Variants in RBFOX1 observed in about 807,000 individuals in gnomAD.
RBFOX1 encodes RNA binding fox-1 homolog 1, also known as RNA binding protein fox-1 homolog 1.
Under a neutral mutation model 57.7 loss-of-function variants are expected in RBFOX1, and 8 were observed. The observed-to-expected ratio is 0.14, with a 90% CI of 0.08 to 0.25. The LOEUF (loss-of-function observed/expected upper bound fraction) is 0.25, where lower values mean the gene tolerates loss of function less well. RBFOX1 is among the 10% of genes least tolerant of loss of function. RBFOX1 has a pLI of 1.00. For missense variants in RBFOX1, 611 were observed against 548.5 expected, an observed-to-expected ratio of 1.11 and a Z score of -1.14; for synonymous variants, 326 against 222.4, an observed-to-expected ratio of 1.47 and a Z score of -4.15.
chr16:7,329,493 A>G (rs1234251377), intron 4 of RBFOX1, among the ~76,000 whole-genome samples: 1 of 152,222 alleles, frequency 6.6e-6, no homozygotes, highest in African/African-American at 2.4e-5. Context: ...GCTCAGCAAT[A>G]CTAGGTGCTT....
intron 1 of RBFOX1, among the ~76,000 whole-genome samples, chr16:6,231,340 C>T (rs562096599): frequency 7.3e-5 from 11 of 151,716 alleles, no homozygotes; most frequent in Admixed American, 2.6e-4. Flanking sequence ...TGGAGGTTTC[C>T]GTGTTTAAAT....
chr16:7,390,932 AT>A (rs978074462), intron 4 of RBFOX1, among the ~76,000 whole-genome samples: 5 of 151,848 alleles, frequency 3.3e-5, no homozygotes, highest in Non-Finnish European at 5.9e-5. Context: ...AGGGAGAAGG[AT>A]TTTTTTTACT....
intron 1 of RBFOX1, among the ~76,000 whole-genome samples, chr16:6,093,489 C>T (rs775918576): frequency 6.6e-6 from 1 of 152,086 alleles, no homozygotes; most frequent in Non-Finnish European, 1.5e-5. Flanking sequence ...ACTAGGATTT[C>T]CAGGTTAGAG....
At chr16:7,398,863 G>A (rs762426641) in intron 4 of RBFOX1, among the ~76,000 whole-genome samples, 4 of 152,120 alleles carry the variant, frequency 2.6e-5, no homozygotes, top group African/African-American at 4.8e-5. Context: ...TACTAAAGTG[G>A]GGCTAGAGGG....
intron 1 of RBFOX1, among the ~76,000 whole-genome samples, chr16:6,315,872 A>G (rs2081056094): frequency 6.6e-6 from 1 of 152,182 alleles, no homozygotes. Context: ...TGAAGACTAC[A>G]CACACATATA....
intron 3 of RBFOX1, among the ~76,000 whole-genome samples, chr16:6,797,153 C>A (rs958839640): frequency 1.3e-5 from 2 of 152,196 alleles, no homozygotes; most frequent in Non-Finnish European, 1.5e-5. Context: ...AGATAGGCAG[C>A]AGCAGCAGCA....
chr16:5,652,904 G>A (rs1740038444), intron 3 of RBFOX1, among the ~76,000 whole-genome samples: 2 of 152,188 alleles, frequency 1.3e-5, no homozygotes, highest in Admixed American at 1.3e-4. Flanking sequence ...TAGTACATAT[G>A]TGGTTGGCAT....
At chr16:7,426,733 G>C (rs947404903) in intron 4 of RBFOX1, among the ~76,000 whole-genome samples, 3 of 152,194 alleles carry the variant, frequency 2.0e-5, no homozygotes, top group African/African-American at 7.2e-5. Context: ...ACCAACAGCA[G>C]TGGATCTTGG....
intron 3 of RBFOX1, among the ~76,000 whole-genome samples, chr16:6,877,159 G>T (rs2061998724): frequency 6.6e-6 from 1 of 152,134 alleles, no homozygotes. Flanking sequence ...GCAGACGAAT[G>T]AAAAAAGATA....
chr16:6,157,236 A>G (rs930261920), intron 1 of RBFOX1, among the ~76,000 whole-genome samples: 2 of 152,188 alleles, frequency 1.3e-5, no homozygotes, highest in African/African-American at 4.8e-5. Flanking sequence ...ACATAAATGT[A>G]GAGGTGATGA....
chr16:7,422,581 G>A (rs1325534726), intron 4 of RBFOX1, among the ~76,000 whole-genome samples: 2 of 152,134 alleles, frequency 1.3e-5, no homozygotes, highest in African/African-American at 2.4e-5. Flanking sequence ...TGCATTAACC[G>A]GATGGAGCAG....
At position 7,460,370 on chromosome 16, in the gene RBFOX1, A is replaced by AATATATATATATATATATATAT. The variant is rs879898472; in HGVS notation, c.28-57757_28-57756insATATATATATATATATATATAT. Among the ~76,000 whole-genome samples the AATATATATATATATATATATAT allele has an allele frequency of 1.7e-3, 126 of 75,724 alleles. 1 individual carries two copies. Among genetic ancestry groups the AATATATATATATATATATATAT allele is most frequent in the South Asian group, 3.2e-3 (6 of 1,850 alleles). 49.7% of individuals were successfully genotyped at this position (75,724 alleles called of 152,430 possible). On this transcript the variant is annotated intron_variant, in intron 4 of 15. Coordinates refer to ENST00000550418, the MANE Select transcript of RBFOX1 (RefSeq NM_018723.4). The stretch of plus-strand genomic sequence containing the variant: ...ATGATTTGCCTTAATCATTTAGCAA[A>AATATATATATATATATATATAT]ATATATATATATATATATATGTGTG...
At chr16:6,276,633 G>A (rs180705176) in intron 1 of RBFOX1, among the ~76,000 whole-genome samples, 4 of 152,250 alleles carry the variant, frequency 2.6e-5, no homozygotes, top group Non-Finnish European at 5.9e-5. Flanking sequence ...ATGAGCCTCC[G>A]CGCCCGGCTG....
At chr16:7,576,096 A>ATTTT (rs113802059) in intron 5 of RBFOX1, among the ~76,000 whole-genome samples, 2 of 123,424 alleles carry the variant, frequency 1.6e-5, no homozygotes, top group East Asian at 2.0e-4. Flanking sequence ...ATGATCAGCT[A>ATTTT]TTTTTTTTTT....
At chr16:6,224,116 A>G (rs1027440785) in intron 1 of RBFOX1, among the ~76,000 whole-genome samples, 3 of 152,046 alleles carry the variant, frequency 2.0e-5, no homozygotes, top group African/African-American at 7.2e-5. Flanking sequence ...CTTGTAGTAT[A>G]GTTTGAAGTC....
At chr16:6,277,729 G>T (rs915252079) in intron 1 of RBFOX1, among the ~76,000 whole-genome samples, 1 of 151,212 alleles carries the variant, frequency 6.6e-6, no homozygotes. Flanking sequence ...GATCCCGACC[G>T]CTGTATATAA....
intron 1 of RBFOX1, among the ~76,000 whole-genome samples, chr16:5,308,683 T>C (rs2064002379): frequency 6.6e-6 from 1 of 152,064 alleles, no homozygotes; most frequent in South Asian, 2.1e-4. Flanking sequence ...AAGATGACCT[T>C]TTTTTTTCTT....
At chr16:6,920,843 A>G (rs530383152) in intron 3 of RBFOX1, among the ~76,000 whole-genome samples, 1 of 152,258 alleles carries the variant, frequency 6.6e-6, no homozygotes, top group South Asian at 2.1e-4. Flanking sequence ...TCCTTAACTT[A>G]GTTACACCAC....
At chr16:7,185,612 T>A (rs531427077) in intron 4 of RBFOX1, among the ~76,000 whole-genome samples, 11 of 152,322 alleles carry the variant, frequency 7.2e-5, no homozygotes, top group Non-Finnish European at 1.5e-4. Flanking sequence ...TTGAGAAACA[T>A]CTGGACTAAT....
Sources: allele counts gnomAD v4.1 joint callset (sites outside exome capture counted in the v4.1 genomes callset), GRCh38; gene constraint gnomAD v4.1.1; transcripts MANE v1.5; gene names NCBI Gene and HGNC (gene_info 2026-07-23, HGNC 2026-07-21).